MAP2K4: variants seen among roughly 807,000 people sequenced by gnomAD.
MAP2K4 encodes the protein dual specificity mitogen-activated protein kinase kinase 4.
Under a neutral mutation model 48.5 loss-of-function variants are expected in MAP2K4, and 4 were observed. That is an observed-to-expected ratio of 0.08 (90% CI 0.04 to 0.19). The LOEUF (loss-of-function observed/expected upper bound fraction) is 0.19. Among genes scored for constraint, MAP2K4 ranks in the 10% least tolerant of loss-of-function variants. The pLI is 1.00. For synonymous variants in MAP2K4, 166 were observed against 173.1 expected (o/e 0.96, Z 0.32); for missense variants, 258 against 493.3 (o/e 0.52, Z 4.52).
intron 1 of MAP2K4, among the ~76,000 whole-genome samples, chr17:12,041,281 ATAT>A (rs1179561090): frequency 6.6e-6 from 1 of 152,232 alleles, no homozygotes; most frequent in Non-Finnish European, 1.5e-5. Flanking sequence ...GAGGAGTATA[ATAT>A]TGCTAATTAT....
chr17:12,116,482 C>A (rs1012141164), intron 7 of MAP2K4, among the ~76,000 whole-genome samples: 1 of 152,070 alleles, frequency 6.6e-6, no homozygotes, highest in Non-Finnish European at 1.5e-5. Context: ...ACTTTATACA[C>A]TTTTTAATTA....
At chr17:12,133,896 T>C (rs1973121083) in intron 9 of MAP2K4, among the ~76,000 whole-genome samples, 2 of 152,212 alleles carry the variant, frequency 1.3e-5, no homozygotes, top group East Asian at 1.9e-4. Context: ...TGAAATGTCT[T>C]GAGGAAATGC....
intron 4 of MAP2K4, among the ~76,000 whole-genome samples, chr17:12,106,441 G>A (rs2151571484): frequency 6.6e-6 from 1 of 152,234 alleles, no homozygotes; most frequent in Admixed American, 6.5e-5. Flanking sequence ...GTTCTAGAAA[G>A]TGGTCCTTTT....
At chr17:12,102,409 G>C (rs1421181650) in intron 4 of MAP2K4, among the ~76,000 whole-genome samples, 1 of 152,018 alleles carries the variant, frequency 6.6e-6, no homozygotes, top group African/African-American at 2.4e-5. Context: ...GATTCAATTT[G>C]TTAAATTACT....
chr17:12,132,356 A>G (rs1272057946), intron 9 of MAP2K4, among the ~76,000 whole-genome samples: 4 of 152,358 alleles, frequency 2.6e-5, no homozygotes, highest in Middle Eastern at 3.4e-3. Flanking sequence ...CAGATAATAA[A>G]TTGTAGCATT....
At chr17:12,052,638 A>C (rs1011538715) in intron 1 of MAP2K4, among the ~76,000 whole-genome samples, 1 of 152,146 alleles carries the variant, frequency 6.6e-6, no homozygotes, top group African/African-American at 2.4e-5. Context: ...GTCTTATATT[A>C]ATTTTTCTTC....
chr17:12,083,476 A>G (rs1055501631), intron 3 of MAP2K4, among the ~76,000 whole-genome samples: 12 of 152,326 alleles, frequency 7.9e-5, no homozygotes, highest in Admixed American at 3.9e-4. Context: ...TGTCACATGT[A>G]TACCCACCAC....
intron 2 of MAP2K4, among the ~76,000 whole-genome samples, chr17:12,063,488 C>G (rs1356209189): frequency 1.3e-5 from 2 of 152,092 alleles, no homozygotes; most frequent in Non-Finnish European, 2.9e-5. Flanking sequence ...CAAAAATTAC[C>G]TCAAGATGGA....
At chr17:12,077,887 A>C (rs1457331352) in intron 2 of MAP2K4, among the ~76,000 whole-genome samples, 1 of 152,138 alleles carries the variant, frequency 6.6e-6, no homozygotes, top group Non-Finnish European at 1.5e-5. Context: ...ATAGGTGGCC[A>C]CCTCTCACTC....
intron 2 of MAP2K4, among the ~76,000 whole-genome samples, chr17:12,072,863 G>C (rs1970864216): frequency 6.6e-6 from 1 of 152,042 alleles, no homozygotes; most frequent in African/African-American, 2.4e-5. Flanking sequence ...TAAGCTTGAG[G>C]GTGTTTAATA....
At chr17:12,084,745 A>T (rs930692027) in intron 3 of MAP2K4, among the ~76,000 whole-genome samples, 2 of 152,180 alleles carry the variant, frequency 1.3e-5, no homozygotes, top group Non-Finnish European at 2.9e-5. Flanking sequence ...GGAGTACCTC[A>T]TCTATATGTT....
intron 3 of MAP2K4, among the ~76,000 whole-genome samples, chr17:12,094,925 ACTCATGGGTTGG>A (rs1971685143): frequency 6.6e-6 from 1 of 152,140 alleles, no homozygotes; most frequent in African/African-American, 2.4e-5. Context: ...CTACATGCTG[ACTCATGGGTTGG>A]AGAGTCAGGT....
chr17:12,125,315 G>A lies in MAP2K4; in HGVS notation c.835G>A (p.Ala279Thr), dbSNP rs753665559. 3.7e-6 allele frequency: 6 copies of A among 1,613,800 alleles called. No individual in the cohort carries two copies. Among genetic ancestry groups the A allele is most frequent in the Non-Finnish European group, 5.1e-6 (6 of 1,179,830 alleles). Residue 279 changes from alanine to threonine, a missense_variant, in exon 8 of 11, where the codon GCA becomes ACA. Physicochemically the swap from Ala to Thr is moderately conservative, Grantham distance 58 (BLOSUM62 0). Transcript: ENST00000353533. ...CCAGCCTGAAAGAATAGACCCAAGC[G>A]CATCACGACAAGGATATGATGTCCG... ...YMAPERIDPSASRQGYDVRSD... is the reference protein window; with the variant it reads ...YMAPERIDPSTSRQGYDVRSD...
In MAP2K4 at chr17:12,050,614, C is replaced by T. The variant is rs1042723894; in HGVS notation, c.116-4275C>T. ...ATTGAGTAGTGGACTCTCAACTGCC[C>T]GTGTTGAGGTTTTTGGCCAAGATCG... On this transcript the variant is annotated intron_variant, in intron 1 of 10. Coordinates refer to ENST00000353533, the MANE Select transcript of MAP2K4 (RefSeq NM_003010.4). Among the ~76,000 whole-genome samples the T allele has an allele frequency of 5.3e-5, 8 of 151,828 alleles. No individual in the cohort carries two copies. In the South Asian group the frequency reaches 6.2e-4, roughly 12 times the overall value.
chr17:12,141,744 G>C lies in MAP2K4; in HGVS notation c.*484G>C. 4.2e-6 allele frequency: 1 copy of C among 236,202 alleles called. No individual in the cohort carries two copies. The highest frequency in any genetic ancestry group is 8.4e-6 in the Non-Finnish European group (1 of 119,740). The allele number at this position is 236,202 out of a possible 1,614,324, so 14.6% of individuals were successfully genotyped here. A position where few individuals can be genotyped will look rare whatever the true frequency, so the allele number is the denominator to read the frequency against. The stretch of plus-strand genomic sequence containing the variant: ...TTGCCTTCTGGAGCTGGGAGACAAA[G>C]GAGGAATTTACTTTCTTCACCAAGT... On this transcript the variant is annotated 3_prime_UTR_variant, in exon 11 of 11. Coordinates refer to ENST00000353533, the MANE Select transcript of MAP2K4 (RefSeq NM_003010.4).
chr17:12,127,429 G>A (rs756422763), intron 8 of MAP2K4, among the ~76,000 whole-genome samples: 12 of 148,668 alleles, frequency 8.1e-5, no homozygotes, highest in Non-Finnish European at 1.2e-4. Context: ...AAACAATTAC[G>A]TTTTAAAAGC....
intron 2 of MAP2K4, among the ~76,000 whole-genome samples, chr17:12,064,539 C>T (rs1378154429): frequency 6.6e-6 from 1 of 152,170 alleles, no homozygotes; most frequent in East Asian, 1.9e-4. Flanking sequence ...TACACTTCCA[C>T]CCGAAGGGCT....
At chr17:12,043,601 G>A (rs901972028) in intron 1 of MAP2K4, among the ~76,000 whole-genome samples, 3 of 152,054 alleles carry the variant, frequency 2.0e-5, no homozygotes, top group Non-Finnish European at 2.9e-5. Context: ...TTGCTAGCAT[G>A]TCTTATGGAA....
chr17:12,141,143 G>T lies in MAP2K4; in HGVS notation c.1087-4G>T, dbSNP rs1181009096. The T allele has an allele frequency of 1.3e-6, 2 of 1,588,812 alleles. No homozygotes were observed. The highest frequency in any genetic ancestry group is 1.7e-6 in the Non-Finnish European group (2 of 1,157,244). On this transcript the variant is annotated splice_polypyrimidine_tract_variant and splice_region_variant and intron_variant, in intron 10 of 10. Transcript: ENST00000353533. ...TGACTTTTTTGTTTTCAATTTTCTT[G>T]CAGAAACATCCCTTTATTTTGATGT... is the stretch of plus-strand genomic sequence containing the variant.
Sources: allele counts gnomAD v4.1 joint callset (sites outside exome capture counted in the v4.1 genomes callset), GRCh38; gene constraint gnomAD v4.1.1; transcripts MANE v1.5; gene names NCBI Gene and HGNC (gene_info 2026-07-23, HGNC 2026-07-21).